Variants in DISC1 observed in about 807,000 individuals in gnomAD.
DISC1 encodes the protein DISC1 scaffold protein.
DISC1 carries 57 observed loss-of-function variants against 84.5 expected under a neutral mutation model. The observed-to-expected ratio is 0.67, with a 90% CI of 0.55 to 0.84. The LOEUF is 0.84. Ranked by LOEUF, DISC1 falls within the 40% of genes least tolerant of loss-of-function variation. DISC1 has a pLI of 0.00. For synonymous variants in DISC1, 411 were observed against 415.2 expected, an observed-to-expected ratio of 0.99 and a Z score of 0.12; for missense variants, 1,000 against 1,057.8, an observed-to-expected ratio of 0.95 and a Z score of 0.76.
chr1:232,026,280 A>G (rs966115247), intron 11 of DISC1, among the ~76,000 whole-genome samples, 155 bp from the exon 12 acceptor site: 6 of 152,210 alleles, frequency 3.9e-5, no homozygotes, highest in Admixed American at 1.3e-4. Context: ...ATCAGTTCAC[A>G]ACTTCTCAAG....
intron 9 of DISC1, chr1:231,943,664 A>G (rs984687661): frequency 7.2e-5 from 11 of 152,220 alleles, no homozygotes; most frequent in Admixed American, 6.5e-4. Flanking sequence ...AAAGCATCAT[A>G]AAATACTGAA....
intron 10 of DISC1, among the ~76,000 whole-genome samples, chr1:232,004,833 C>A (rs1667135714): frequency 6.6e-6 from 1 of 151,338 alleles, no homozygotes. Flanking sequence ...TATTCCCTCC[C>A]TCCCTCGCTC....
intron 11 of DISC1, among the ~76,000 whole-genome samples, chr1:232,017,568 G>A (rs1045274527): frequency 6.6e-6 from 1 of 150,558 alleles, no homozygotes; most frequent in Non-Finnish European, 1.5e-5. Flanking sequence ...GTACTTTTGT[G>A]GATAGGTATT....
intron 4 of DISC1, among the ~76,000 whole-genome samples, chr1:231,753,700 A>G (rs993991698): frequency 2.0e-5 from 3 of 152,126 alleles, no homozygotes; most frequent in Non-Finnish European, 2.9e-5. Context: ...TTTCTACCAC[A>G]TGGCCAAGCT....
chr1:231,922,721 G>A (rs537211061), intron 9 of DISC1, among the ~76,000 whole-genome samples: 1 of 151,970 alleles, frequency 6.6e-6, no homozygotes, highest in African/African-American at 2.4e-5. Context: ...ACACGTCCTG[G>A]TGAGTGCACC....
chr1:231,886,948 A>G (rs1389268987), intron 9 of DISC1, among the ~76,000 whole-genome samples: 1 of 145,398 alleles, frequency 6.9e-6, no homozygotes, highest in Admixed American at 6.9e-5. Flanking sequence ...TGTAAGCTCT[A>G]CCTCCCGAGT....
intron 4 of DISC1, among the ~76,000 whole-genome samples, chr1:231,751,344 A>G (rs189448773): frequency 8.3e-4 from 126 of 152,366 alleles, no homozygotes; most frequent in Non-Finnish European, 1.0e-3. Flanking sequence ...TAGCTAATTT[A>G]TTATGTTTCT....
chr1:232,004,855 C>CCCTCCCTCCATG (rs1667146941), intron 10 of DISC1, among the ~76,000 whole-genome samples: 1 of 107,288 alleles, frequency 9.3e-6, no homozygotes, highest in South Asian at 4.0e-4. Context: ...ATCTCTCCCT[C>CCCTCCCTCCATG]CCTCCCTCCC....
chr1:231,644,883 G>A (rs1283237717), intron 1 of DISC1, among the ~76,000 whole-genome samples: 4 of 151,776 alleles, frequency 2.6e-5, no homozygotes. Context: ...TGAATCTGTT[G>A]GGTGCTTAGG....
chr1:231,811,472 A>T (rs1279430315), intron 8 of DISC1, among the ~76,000 whole-genome samples: 2 of 152,246 alleles, frequency 1.3e-5, no homozygotes, highest in Non-Finnish European at 2.9e-5. Flanking sequence ...AAGACAAATT[A>T]TACAGCAGTC....
intron 9 of DISC1, among the ~76,000 whole-genome samples, chr1:231,842,148 C>A (rs549524377): frequency 6.6e-6 from 1 of 152,134 alleles, no homozygotes; most frequent in East Asian, 1.9e-4. Context: ...AGGCATGCAC[C>A]ACCATGCCTG....
intron 8 of DISC1, among the ~76,000 whole-genome samples, chr1:231,809,754 G>GT (rs563164520): frequency 2.0e-4 from 30 of 152,162 alleles, no homozygotes; most frequent in African/African-American, 6.0e-4. Context: ...AATGAAAGTA[G>GT]TTTTTTCCTT....
intron 10 of DISC1, among the ~76,000 whole-genome samples, chr1:231,959,908 G>A (rs1660142722): frequency 6.6e-6 from 1 of 152,134 alleles, no homozygotes; most frequent in Non-Finnish European, 1.5e-5. Context: ...GCAGATTTCT[G>A]GCACATCCTT....
chr1:231,811,532 T>C (rs2080291418), intron 8 of DISC1, among the ~76,000 whole-genome samples: 1 of 152,250 alleles, frequency 6.6e-6, no homozygotes, highest in Non-Finnish European at 1.5e-5. Flanking sequence ...ATTTCTTTTT[T>C]TCCACTAAAG....
intron 3 of DISC1, among the ~76,000 whole-genome samples, chr1:231,706,288 A>T (rs1157381389): frequency 6.6e-6 from 1 of 152,202 alleles, no homozygotes; most frequent in Non-Finnish European, 1.5e-5. Flanking sequence ...GGCAAGTTTG[A>T]GACCTCAGAG....
intron 3 of DISC1, among the ~76,000 whole-genome samples, chr1:231,731,036 C>T (rs1472488503): frequency 6.6e-6 from 1 of 151,866 alleles, no homozygotes; most frequent in East Asian, 1.9e-4. Flanking sequence ...ATCACATTTC[C>T]CTGTATAACC....
At chr1:231,708,312 C>G (rs2067346303) in intron 3 of DISC1, among the ~76,000 whole-genome samples, 1 of 152,186 alleles carries the variant, frequency 6.6e-6, no homozygotes, top group South Asian at 2.1e-4. Flanking sequence ...TGGTCTCTCT[C>G]TGAGAAATGA....
intron 9 of DISC1, among the ~76,000 whole-genome samples, chr1:231,921,453 T>C (rs928524258): frequency 1.3e-5 from 2 of 152,220 alleles, no homozygotes; most frequent in African/African-American, 4.8e-5. Flanking sequence ...TTTTCCATTT[T>C]ATTCTGGTAA....
chr1:231,926,896 C>T (rs528429430), intron 9 of DISC1, among the ~76,000 whole-genome samples: 3 of 152,260 alleles, frequency 2.0e-5, no homozygotes, highest in African/African-American at 7.2e-5. Flanking sequence ...TGAGATTTTC[C>T]CAAGGGGAGG....
Sources: allele counts gnomAD v4.1 joint callset (sites outside exome capture counted in the v4.1 genomes callset), GRCh38; gene constraint gnomAD v4.1.1; transcripts MANE v1.5; gene names NCBI Gene and HGNC (gene_info 2026-07-23, HGNC 2026-07-21).